The following TASOR variants were observed in gnomAD, a reference collection of about 807,000 sequenced individuals.
TASOR encodes the protein transcription activation suppressor, also known as protein TASOR.
In TASOR, 53 loss-of-function variants were observed where a neutral mutation model predicts 178.6. The observed-to-expected ratio is 0.30, with a 90% CI of 0.24 to 0.37. The LOEUF (loss-of-function observed/expected upper bound fraction) is 0.37, where lower values mean the gene tolerates loss of function less well. TASOR is among the 10% of genes least tolerant of loss of function. TASOR has a pLI of 1.00. For synonymous variants in TASOR, 713 were observed against 696.2 expected, an observed-to-expected ratio of 1.02 and a Z score of -0.38; for missense variants, 1,815 against 1,971.4, an observed-to-expected ratio of 0.92 and a Z score of 1.50.
At chr3:56,643,631 G>A (rs572456471) in intron 14 of TASOR, among the ~76,000 whole-genome samples, 9 of 151,908 alleles carry the variant, frequency 5.9e-5, no homozygotes, top group Non-Finnish European at 7.4e-5. Context: ...GCATGGTGGC[G>A]GGCGCCCCAG....
At chr3:56,652,368 A>G (rs2077370256) in intron 11 of TASOR, among the ~76,000 whole-genome samples, 1 of 152,088 alleles carries the variant, frequency 6.6e-6, no homozygotes, top group South Asian at 2.1e-4. Flanking sequence ...AGCCCAGGCA[A>G]TATGGCAAAA....
At chr3:56,682,649 G>A (rs1347455780) in intron 1 of TASOR, 27 bp downstream of exon 1, 53 of 1,435,732 alleles carry the variant, frequency 3.7e-5, no homozygotes, top group Non-Finnish European at 4.5e-5. Context: ...AGAGAGAGAG[G>A]GGGTTGAGAA....
rs2077064829 is a variant in TASOR, at chr3:56,638,718, T to C, written c.2812A>G (p.Lys938Glu). 1.2e-6 allele frequency: 2 copies of C among 1,614,028 alleles called. No individual in the cohort carries two copies. Among genetic ancestry groups the C allele is most frequent in the African/African-American group, 2.7e-5 (2 of 74,940 alleles). Residue 938 changes from lysine to glutamate, a missense_variant, in exon 17 of 24, where the codon AAA becomes GAA. Lys to Glu is a moderately conservative substitution (Grantham distance 56). Coordinates refer to ENST00000683822, the MANE Select transcript of TASOR (RefSeq NM_001365635.2). The part of the protein sequence containing the change: ...PEDQLGKHGE[K>E]QTPGMKSPEE... ...CAAGCCTTCTCACCTGGTGTTTGTT[T>C]CTCACCATGTTTCCCCAGCTGGTCT... is the stretch of plus-strand genomic sequence containing the variant.
In TASOR at chr3:56,673,617, C is replaced by A; in HGVS notation, c.440G>T (p.Arg147Leu). The change falls in exon 2 of 24, where the codon CGT (arginine) becomes CTT (leucine). Residue 147 changes from arginine (R) to leucine (L), a missense_variant. Coordinates refer to ENST00000683822, the MANE Select transcript of TASOR (RefSeq NM_001365635.2). ...PTSVTNFNYR[R>L]ACLVHNELLE... ...AAGCTCATTGTGTACCAAGCAAGCA[C>A]GTCTGTAGTTAAAATTTGTTACTGA... 1.3e-6 allele frequency: 2 copies of A among 1,550,976 alleles called. No homozygotes were observed. Among genetic ancestry groups the A allele is most frequent in the Non-Finnish European group, 1.7e-6 (2 of 1,146,804 alleles).
rs996463719 is a variant in TASOR, at chr3:56,633,341, C to T, written c.3450G>A (p.Gln1150=). 3.7e-6 allele frequency: 6 copies of T among 1,614,040 alleles called. No homozygotes were observed. The South Asian group carries it at 5.5e-5, about 15-fold the overall frequency. Residue 1150 remains glutamine, a synonymous_variant, in exon 18 of 24, where the codon CAG becomes CAA. Coordinates refer to ENST00000683822, the MANE Select transcript of TASOR (RefSeq NM_001365635.2). ...CTTCAGTTAAAGCCGAAGTGGAATG[C>T]TGCTCATCAGAGTTGGTATCTTTCA... ...DPLKDTNSDE[Q]HSTSALTEVE... is the part of the protein sequence containing the mutation.
In TASOR at chr3:56,638,776, G is replaced by A. The variant is rs549181211; in HGVS notation, c.2765-11C>T. 14 of 1,613,872 alleles carry A rather than the reference G, an allele frequency of 8.7e-6. No individual in the cohort carries two copies. The South Asian group carries it at 1.3e-4, about 15-fold the overall frequency. On this transcript the variant is annotated splice_polypyrimidine_tract_variant and intron_variant, in intron 16 of 23. Coordinates refer to ENST00000683822, the MANE Select transcript of TASOR (RefSeq NM_001365635.2). Reference sequence around the variant, plus strand: ...TTCTTGCATTCCCTCCTGAGGGAAAGCATCCATTAGACTCTCTTCAGACAT... The same window carrying A: ...TTCTTGCATTCCCTCCTGAGGGAAAACATCCATTAGACTCTCTTCAGACAT...
At position 56,671,595 on chromosome 3, in the gene TASOR, C is replaced by T; in HGVS notation, c.570+5G>A. 1 of 1,536,506 alleles carries T rather than the reference C, an allele frequency of 6.5e-7. No homozygotes were observed. The highest frequency in any genetic ancestry group is 8.8e-7 in the Non-Finnish European group (1 of 1,139,682). ...AATTGTTTTTTATAAAATGCGTTAA[C>T]TCACCTGGTATCGATCAACCATCAG... On this transcript the variant is annotated splice_donor_5th_base_variant and intron_variant, in intron 3 of 23. Transcript: ENST00000683822.
chr3:56,659,167 T>TG (rs1329100011), intron 11 of TASOR, among the ~76,000 whole-genome samples: 1 of 152,198 alleles, frequency 6.6e-6, no homozygotes, highest in African/African-American at 2.4e-5. Flanking sequence ...CCATTAAACA[T>TG]GAAGTTGCAC....
At chr3:56,638,462 A>G (rs1304271993) in intron 17 of TASOR, among the ~76,000 whole-genome samples, 2 of 152,320 alleles carry the variant, frequency 1.3e-5, no homozygotes, top group East Asian at 3.9e-4. Context: ...ATATTGTAAG[A>G]TAGACTCTAC....
In TASOR at chr3:56,633,145, C is replaced by T. The variant is rs765950243; in HGVS notation, c.3646G>A (p.Val1216Ile). ...SNFISQLEPE[V>I]FNSLVKIMKD... Reference sequence around the variant, plus strand: ...ATGATTTTAACCAAACTATTAAATACTTCAGGTTCTAACTGGCTTATAAAA... The same window carrying T: ...ATGATTTTAACCAAACTATTAAATATTTCAGGTTCTAACTGGCTTATAAAA... The change falls in exon 18 of 24, where the codon GTA (valine) becomes ATA (isoleucine). Residue 1216 changes from valine to isoleucine, a missense_variant. Transcript: ENST00000683822. The T allele has an allele frequency of 2.6e-5, 42 of 1,613,930 alleles. No individual in the cohort carries two copies. In the East Asian group the frequency reaches 7.8e-4, roughly 30 times the overall value.
Position 56,648,989 on chromosome 3 carries a change from T to C in TASOR, c.1437A>G (p.Pro479=). 2 of 1,607,904 alleles carry C rather than the reference T, an allele frequency of 1.2e-6. No individual in the cohort carries two copies. The highest frequency in any genetic ancestry group is 1.1e-5 in the South Asian group (1 of 89,016). The change falls in exon 12 of 24, where the codon CCA becomes CCG. Residue 479 remains proline (P), a synonymous_variant. Coordinates refer to ENST00000683822, the MANE Select transcript of TASOR (RefSeq NM_001365635.2). ...FLLSPYQMVP[P]YEYQTAKSRV... is the part of the protein sequence containing the mutation. ...TATTAAAGAGAGACCACCTACCATA[T>C]GGAGGAACCATCTGATAAGGGGAGA...
At position 56,662,641 on chromosome 3, in the gene TASOR, A is replaced by G. The variant is rs1157860768; in HGVS notation, c.1055-151T>C. ...AAAACAGTGACTCTTCTACACTTCT[A>G]TTTACTAACAGTTCAAATATTAGGA... On this transcript the variant is annotated intron_variant, in intron 8 of 23. Coordinates refer to ENST00000683822, the MANE Select transcript of TASOR (RefSeq NM_001365635.2). 4.6e-5 allele frequency among the ~76,000 whole-genome samples: 7 copies of G among 152,052 alleles called. 1 individual carries two copies. Among genetic ancestry groups the G allele is most frequent in the South Asian group, 4.1e-4 (2 of 4,828 alleles).
intron 13 of TASOR, 36 bp downstream of exon 13, chr3:56,648,786 T>A (rs1261882017): frequency 1.4e-6 from 2 of 1,469,914 alleles, no homozygotes; most frequent in Non-Finnish European, 1.9e-6. Flanking sequence ...GTTAAGTATC[T>A]ATAAGTAACC....
chr3:56,670,394 C>T (rs2030555349), intron 3 of TASOR, among the ~76,000 whole-genome samples: 1 of 152,074 alleles, frequency 6.6e-6, no homozygotes, highest in Admixed American at 6.6e-5. Flanking sequence ...TCTCCCTCTG[C>T]CCTCTAGGCT....
rs1257132904 is a variant in TASOR, at chr3:56,621,560, A to AAAGT, written c.*1473_*1476dup. 5.4e-5 allele frequency: 87 copies of AAAGT among 1,600,028 alleles called. No individual in the cohort carries two copies. Among genetic ancestry groups the AAAGT allele is most frequent in the Non-Finnish European group, 7.2e-5 (84 of 1,173,966 alleles). On this transcript the variant is annotated 3_prime_UTR_variant, in exon 24 of 24. Coordinates refer to ENST00000683822, the MANE Select transcript of TASOR (RefSeq NM_001365635.2). ...CTTCTCCAGAAGCAAAAGGAGTTGGAAAGTAGTCTCCTGCCTTTAGCTGAA... is the reference window on the plus strand; with the variant it reads ...CTTCTCCAGAAGCAAAAGGAGTTGGAAAGTAAGTAGTCTCCTGCCTTTAGCTGAA...
At chr3:56,682,655 G>T in intron 1 of TASOR, 21 bp downstream of exon 1, 1 of 1,446,324 alleles carries the variant, frequency 6.9e-7, no homozygotes, top group South Asian at 1.5e-5. Flanking sequence ...AGAGGGGGTT[G>T]AGAAGAAGGG....
chr3:56,636,051 C>A (rs1320291323), intron 17 of TASOR, among the ~76,000 whole-genome samples: 1 of 152,088 alleles, frequency 6.6e-6, no homozygotes, highest in African/African-American at 2.4e-5. Flanking sequence ...TGCCTGTAAT[C>A]CCAGCACTTT....
intron 3 of TASOR, 59 bp from the exon 4 acceptor site, chr3:56,670,204 A>G: frequency 1.9e-6 from 2 of 1,060,734 alleles, no homozygotes; most frequent in South Asian, 3.4e-5. Context: ...AACATGAAAA[A>G]ATAATTTTAT....
intron 17 of TASOR, among the ~76,000 whole-genome samples, chr3:56,636,419 T>C (rs1395136259): frequency 2.0e-5 from 3 of 152,130 alleles, no homozygotes; most frequent in Non-Finnish European, 2.9e-5. Flanking sequence ...GTTGTTGTTG[T>C]TGTTGAGACA....
Sources: gnomAD v4.1 joint callset for allele counts (sites outside exome capture counted in the v4.1 genomes callset) on GRCh38, gnomAD v4.1.1 for gene constraint, MANE v1.5 for transcripts, NCBI Gene and HGNC (gene_info 2026-07-23, HGNC 2026-07-21) for gene names.